The following PPBP variants were observed in gnomAD, a reference collection of about 807,000 sequenced individuals.
PPBP encodes the protein pro-platelet basic protein, also known as platelet basic protein.
Under a neutral mutation model 8.3 loss-of-function variants are expected in PPBP, and 8 were observed. The ratio of observed to expected loss-of-function variants is 0.97; its 90% CI spans 0.57 to 1.75. The LOEUF is 1.75. Among genes scored for constraint, PPBP ranks in the 40% most tolerant of loss-of-function variants. The pLI is 0.00. For missense variants in PPBP, 169 were observed against 149.2 expected (o/e 1.13, Z -0.69); for synonymous variants, 64 against 58.9 (o/e 1.09, Z -0.40).
chr4:73,987,111 T>C lies in PPBP; in HGVS notation c.*161A>G, dbSNP rs948008523. On this transcript the variant is annotated 3_prime_UTR_variant, in exon 3 of 3. Coordinates refer to ENST00000296028, the MANE Select transcript of PPBP (RefSeq NM_002704.3). The stretch of plus-strand genomic sequence containing the variant: ...TCTTTCTGCCATCTTTTAACCAACC[T>C]TCTCAGAATAAAATGTGATTTTTGA... 7 of 676,892 alleles carry C rather than the reference T, an allele frequency of 1.0e-5. No individual in the cohort carries two copies. The highest frequency in any genetic ancestry group is 3.7e-5 in the African/African-American group (2 of 54,756). The allele number at this position is 676,892 out of a possible 1,614,324, so 41.9% of individuals were successfully genotyped here. A position where few individuals can be genotyped will look rare whatever the true frequency, so the allele number is the denominator to read the frequency against.
chr4:73,987,615 G>A lies in PPBP; in HGVS notation c.186C>T (p.Arg62=). The change falls in exon 2 of 3, where the codon CGC becomes CGT. Residue 62 remains arginine, a synonymous_variant. Transcript: ENST00000296028. The stretch of plus-strand genomic sequence containing the variant: ...CAGAGGTTGTCTTTATACACATGCA[G>A]CGGAGTTCAGCATACAAGTCACTGT... ...SLDSDLYAEL[R]CMCIKTTSGI... 2 of 1,613,910 alleles carry A rather than the reference G, an allele frequency of 1.2e-6. No homozygotes were observed. The highest frequency in any genetic ancestry group is 2.2e-5 in the South Asian group (2 of 91,074).
chr4:73,987,489 A>C, intron 2 of PPBP, 28 bp downstream of exon 2: 1 of 1,610,490 alleles, frequency 6.2e-7, no homozygotes, highest in Non-Finnish European at 8.5e-7. Flanking sequence ...TTCTCTGATA[A>C]GGCAATAGCA....
At chr4:73,987,739 C>T in intron 1 of PPBP, 87 bp from the exon 2 acceptor site, 2 of 1,508,962 alleles carry the variant, frequency 1.3e-6, no homozygotes, top group Non-Finnish European at 1.8e-6. Context: ...GTACCTCTCT[C>T]ATAAAGCCAT....
chr4:73,987,677 G>A (rs755809397), intron 1 of PPBP, 25 bp from the exon 2 acceptor site: 1 of 1,601,530 alleles, frequency 6.2e-7, no homozygotes, highest in East Asian at 2.2e-5. Flanking sequence ...GTGACCTATT[G>A]GTGGTCATGA....
Position 73,986,722 on chromosome 4 carries a change from A to G in PPBP, c.*550T>C, listed in dbSNP as rs942334927. The stretch of plus-strand genomic sequence containing the variant: ...CAGCTAACCACAGTTTATAAGATTC[A>G]TATTCACCAATTTATTATTTTAGTG... On this transcript the variant is annotated 3_prime_UTR_variant, in exon 3 of 3. Transcript: ENST00000296028. 6.6e-6 allele frequency among the ~76,000 whole-genome samples: 1 copy of G among 152,192 alleles called. No homozygotes were observed. Among genetic ancestry groups the G allele is most frequent in the Non-Finnish European group, 1.5e-5 (1 of 68,030 alleles).
At chr4:73,987,856 T>C in intron 1 of PPBP, 100 bp downstream of exon 1, 1 of 1,545,934 alleles carries the variant, frequency 6.5e-7, no homozygotes, top group South Asian at 1.1e-5. Flanking sequence ...GAGTTATTGG[T>C]ATAATGGCCC....
intron 1 of PPBP, 144 bp downstream of exon 1, chr4:73,987,811 TG>T: frequency 6.9e-7 from 1 of 1,445,452 alleles, no homozygotes; most frequent in Non-Finnish European, 9.6e-7. Flanking sequence ...ACACAAGAAG[TG>T]AGAAGTGACC....
chr4:73,987,427 T>C (rs1010056470), intron 2 of PPBP, 53 bp from the exon 3 acceptor site: 2 of 1,606,224 alleles, frequency 1.2e-6, no homozygotes. Context: ...ATATCAGAAC[T>C]AATCCATGAG....
rs770710194 is a variant in PPBP at position 73,987,975 on chromosome 4, T to C, written c.129A>G (p.Arg43=). Residue 43 remains arginine, a synonymous_variant, in exon 1 of 3, where the codon AGA becomes AGG. Transcript: ENST00000296028. ...LASSTKGQTK[R]NLAKGKEESL... Reference sequence around the variant, plus strand: ...CTCTACCTTTGCCTTTCGCCAAGTTTCTCTTAGTTTGTCCTTTGGTGGAGG... The same window carrying C: ...CTCTACCTTTGCCTTTCGCCAAGTTCCTCTTAGTTTGTCCTTTGGTGGAGG... The C allele has an allele frequency of 5.0e-6, 8 of 1,614,050 alleles. No homozygotes were observed. In the South Asian group the frequency reaches 8.8e-5, roughly 18 times the overall value.
In PPBP at chr4:73,987,740, A is replaced by G. The variant is rs928205232; in HGVS notation, c.149-88T>C. 2.7e-6 allele frequency: 4 copies of G among 1,509,394 alleles called. No individual in the cohort carries two copies. The African/African-American group carries it at 4.2e-5, about 16-fold the overall frequency. The allele number at this position is 1,509,394 out of a possible 1,614,324, so 93.5% of individuals were successfully genotyped here. Reference sequence around the variant, plus strand: ...GATTGAGGGCAATTGTACCTCTCTCATAAAGCCATTGTGAATATGATCTGT... The same window carrying G: ...GATTGAGGGCAATTGTACCTCTCTCGTAAAGCCATTGTGAATATGATCTGT... On this transcript the variant is annotated intron_variant, in intron 1 of 2. Coordinates refer to ENST00000296028, the MANE Select transcript of PPBP (RefSeq NM_002704.3).
At position 73,987,014 on chromosome 4, in the gene PPBP, A is replaced by G; in HGVS notation, c.*258T>C. ...TGTTAGAATAGAAATTTTTAAAGAA[A>G]AAAATGCAAAGTACAGTCCAATGTT... On this transcript the variant is annotated 3_prime_UTR_variant, in exon 3 of 3. Transcript: ENST00000296028. 4.7e-6 allele frequency: 2 copies of G among 422,450 alleles called. No individual in the cohort carries two copies. The highest frequency in any genetic ancestry group is 4.2e-6 in the Non-Finnish European group (1 of 238,242). 26.2% of individuals were successfully genotyped at this position (422,450 alleles called of 1,614,324 possible). A position where few individuals can be genotyped will look rare whatever the true frequency, so the allele number is the denominator to read the frequency against.
In PPBP at chr4:73,986,942, G is replaced by A. The variant is rs547012644; in HGVS notation, c.*330C>T. On this transcript the variant is annotated 3_prime_UTR_variant, in exon 3 of 3. Coordinates refer to ENST00000296028, the MANE Select transcript of PPBP (RefSeq NM_002704.3). ...TTATGAAATCTAATAATACCCATGA[G>A]TATGTCTAATAACCATAAAGTAGAC... The A allele has an allele frequency of 1.5e-5, 4 of 272,708 alleles. No individual in the cohort carries two copies. The East Asian group carries it at 4.4e-4, about 30-fold the overall frequency. The allele number at this position is 272,708 out of a possible 1,614,324, so 16.9% of individuals were successfully genotyped here. A position where few individuals can be genotyped will look rare whatever the true frequency, so the allele number is the denominator to read the frequency against.
intron 2 of PPBP, 67 bp downstream of exon 2, chr4:73,987,450 G>A (rs572588015): frequency 4.4e-6 from 7 of 1,606,952 alleles, no homozygotes; most frequent in African/African-American, 4.0e-5. Flanking sequence ...TGGAGGAAAC[G>A]AGTGCATATG....
At position 73,987,512 on chromosome 4, in the gene PPBP, C is replaced by G. The variant is rs202224981; in HGVS notation, c.284+5G>C. 1 of 1,613,416 alleles carries G rather than the reference C, an allele frequency of 6.2e-7. No homozygotes were observed. Among genetic ancestry groups the G allele is most frequent in the Admixed American group, 1.7e-5 (1 of 60,000 alleles). ...TAAGGCAATAGCACAGAAACAGCAA[C>G]TTACATCACTTCGACTTGGTTGCAA... On this transcript the variant is annotated splice_donor_5th_base_variant and intron_variant, in intron 2 of 2. Transcript: ENST00000296028.
rs1305248291 is a variant in PPBP at position 73,986,826 on chromosome 4, A to C, written c.*446T>G. ...GACATCCTAGGACTAAGACACTGAG[A>C]GACTCCATTAAGTTCCTAAATATAT... is the stretch of plus-strand genomic sequence containing the variant. On this transcript the variant is annotated 3_prime_UTR_variant, in exon 3 of 3. Transcript: ENST00000296028. Among the ~76,000 whole-genome samples the C allele has an allele frequency of 6.6e-6, 1 of 152,222 alleles. No individual in the cohort carries two copies.
chr4:73,987,948 G>A lies in PPBP; in HGVS notation c.148+8C>T, dbSNP rs756511867. 75 of 1,613,974 alleles carry A rather than the reference G, an allele frequency of 4.6e-5. 1 individual carries two copies. In the South Asian group the frequency reaches 6.1e-4, roughly 13 times the overall value. ...GCAGCAACAAGTGCAGAGAAGCAGGGCCTCTACCTTTGCCTTTCGCCAAGT... is the reference window on the plus strand; with the variant it reads ...GCAGCAACAAGTGCAGAGAAGCAGGACCTCTACCTTTGCCTTTCGCCAAGT... On this transcript the variant is annotated splice_region_variant and intron_variant, in intron 1 of 2. Coordinates refer to ENST00000296028, the MANE Select transcript of PPBP (RefSeq NM_002704.3).
At position 73,987,016 on chromosome 4, in the gene PPBP, A is replaced by G. The variant is rs1306347854; in HGVS notation, c.*256T>C. ...TTAGAATAGAAATTTTTAAAGAAAA[A>G]AATGCAAAGTACAGTCCAATGTTTA... On this transcript the variant is annotated 3_prime_UTR_variant, in exon 3 of 3. Coordinates refer to ENST00000296028, the MANE Select transcript of PPBP (RefSeq NM_002704.3). 2 of 426,214 alleles carry G rather than the reference A, an allele frequency of 4.7e-6. No individual in the cohort carries two copies. The highest frequency in any genetic ancestry group is 8.3e-6 in the Non-Finnish European group (2 of 240,822). 26.4% of individuals were successfully genotyped at this position (426,214 alleles called of 1,614,324 possible).
Position 73,988,179 on chromosome 4 carries a change from C to G in PPBP, c.-76G>C. Reference sequence around the variant, plus strand: ...TGAGGGTGAGTTGCTGCCTACAAGTCTGCAGATAAGTGGCTTCTCATGCCC... The same window carrying G: ...TGAGGGTGAGTTGCTGCCTACAAGTGTGCAGATAAGTGGCTTCTCATGCCC... On this transcript the variant is annotated 5_prime_UTR_variant, in exon 1 of 3. Transcript: ENST00000296028. 2 of 1,539,586 alleles carry G rather than the reference C, an allele frequency of 1.3e-6. No individual in the cohort carries two copies. The highest frequency in any genetic ancestry group is 1.8e-6 in the Non-Finnish European group (2 of 1,113,960).
rs1718978477 is a variant in PPBP, at chr4:73,986,803, C to T, written c.*469G>A. On this transcript the variant is annotated 3_prime_UTR_variant, in exon 3 of 3. Transcript: ENST00000296028. ...CTTTCAGGGAGTATTTTAAATAAGA[C>T]ATCCTAGGACTAAGACACTGAGAGA... Among the ~76,000 whole-genome samples the T allele has an allele frequency of 6.6e-6, 1 of 152,070 alleles. No individual in the cohort carries two copies. The highest frequency in any genetic ancestry group is 1.5e-5 in the Non-Finnish European group (1 of 67,998).
Sources: gnomAD v4.1 joint callset for allele counts (sites outside exome capture counted in the v4.1 genomes callset) on GRCh38, gnomAD v4.1.1 for gene constraint, MANE v1.5 for transcripts, NCBI Gene and HGNC (gene_info 2026-07-23, HGNC 2026-07-21) for gene names.